ZYG11B: variants seen among roughly 807,000 people sequenced by gnomAD.
ZYG11B encodes the protein protein zyg-11 homolog B.
A neutral mutation model predicts 82.4 loss-of-function variants in ZYG11B; 36 were observed. The ratio of observed to expected loss-of-function variants is 0.44; its 90% CI spans 0.33 to 0.58. The LOEUF (loss-of-function observed/expected upper bound fraction) is 0.58, where lower values mean the gene tolerates loss of function less well. Among genes scored for constraint, ZYG11B ranks in the 20% least tolerant of loss-of-function variants. ZYG11B has a pLI of 0.02. For missense variants in ZYG11B, 552 were observed against 895.6 expected (o/e 0.62, Z 4.90); for synonymous variants, 303 against 312.8 (o/e 0.97, Z 0.33).
chr1:52,801,945 AAC>A lies in ZYG11B; in HGVS notation c.1613_1614del (p.Asn538ThrfsTer16). 1 of 1,611,722 alleles carries A rather than the reference AAC, an allele frequency of 6.2e-7. No homozygotes were observed. The highest frequency in any genetic ancestry group is 8.5e-7 in the Non-Finnish European group (1 of 1,179,378). On this transcript the variant is annotated frameshift_variant, in exon 9 of 14. Coordinates refer to ENST00000294353, the MANE Select transcript of ZYG11B (RefSeq NM_024646.3). LOFTEE classifies it high-confidence loss of function. ...AACCACTTGTAGACACTTTATTGAA[AAC>A]CAAGGGTTAGAACTCTTCATGAGGG... ...SPTTCRHFIE[N>X]QGLELFMRVL...
intron 1 of ZYG11B, among the ~76,000 whole-genome samples, chr1:52,739,044 C>T (rs923596267): frequency 1.5e-5 from 2 of 134,756 alleles, no homozygotes; most frequent in East Asian, 2.6e-4. Context: ...CGCAGTGACA[C>T]GATCTTGGCT....
At chr1:52,790,469 G>A (rs1035987928) in intron 6 of ZYG11B, among the ~76,000 whole-genome samples, 1 of 152,086 alleles carries the variant, frequency 6.6e-6, no homozygotes, top group Non-Finnish European at 1.5e-5. Context: ...AGTGGCTCAT[G>A]CCTATAATCC....
intron 1 of ZYG11B, among the ~76,000 whole-genome samples, chr1:52,733,883 A>T (rs1644356259): frequency 6.6e-6 from 1 of 152,246 alleles, no homozygotes; most frequent in Non-Finnish European, 1.5e-5. Flanking sequence ...ATTGACACAC[A>T]TTCAGTAGAT....
chr1:52,767,270 G>T (rs1379708019), intron 2 of ZYG11B, among the ~76,000 whole-genome samples: 1 of 150,146 alleles, frequency 6.7e-6, no homozygotes, highest in Non-Finnish European at 1.5e-5. Flanking sequence ...ATTTTATTTT[G>T]TTATTTTATT....
intron 10 of ZYG11B, among the ~76,000 whole-genome samples, chr1:52,804,613 A>G (rs1434088771): frequency 2.5e-5 from 3 of 119,590 alleles, no homozygotes; most frequent in Middle Eastern, 3.8e-3. Flanking sequence ...ACGGTCTCAG[A>G]AAAAAAAACA....
intron 1 of ZYG11B, among the ~76,000 whole-genome samples, chr1:52,727,583 A>C (rs1644296615): frequency 6.6e-6 from 1 of 152,184 alleles, no homozygotes; most frequent in Non-Finnish European, 1.5e-5. Flanking sequence ...GGCTATTATT[A>C]CTAAAAACAA....
At chr1:52,815,575 G>A (rs1254292461) in intron 12 of ZYG11B, among the ~76,000 whole-genome samples, 1 of 151,914 alleles carries the variant, frequency 6.6e-6, no homozygotes, top group African/African-American at 2.4e-5. Context: ...AGTTGAGATC[G>A]CCTTACTGCA....
chr1:52,763,988 C>T (rs1446891624), intron 2 of ZYG11B, among the ~76,000 whole-genome samples: 1 of 152,202 alleles, frequency 6.6e-6, no homozygotes, highest in East Asian at 1.9e-4. Context: ...TTGCTGGTCA[C>T]TTCAGCTGTC....
At chr1:52,793,376 G>A (rs1644975566) in intron 6 of ZYG11B, among the ~76,000 whole-genome samples, 1 of 151,996 alleles carries the variant, frequency 6.6e-6, no homozygotes, top group Non-Finnish European at 1.5e-5. Context: ...CAGGTGTGGT[G>A]GCGGCTCCTA....
chr1:52,817,777 G>GTGTGTGTATATA (rs1352242565), intron 13 of ZYG11B, among the ~76,000 whole-genome samples: 6 of 41,542 alleles, frequency 1.4e-4, no homozygotes, highest in Non-Finnish European at 2.3e-4. Flanking sequence ...ATATATATGT[G>GTGTGTGTATATA]TATATATATA....
At chr1:52,760,079 C>T (rs913466206) in intron 2 of ZYG11B, among the ~76,000 whole-genome samples, 1 of 152,120 alleles carries the variant, frequency 6.6e-6, no homozygotes, top group Non-Finnish European at 1.5e-5. Flanking sequence ...AGTGATCTAC[C>T]GCCTAGGCCT....
chr1:52,744,430 A>G (rs561125660), intron 1 of ZYG11B, among the ~76,000 whole-genome samples: 1 of 152,348 alleles, frequency 6.6e-6, no homozygotes, highest in Non-Finnish European at 1.5e-5. Context: ...ACATGACTGT[A>G]CTAATATTAT....
In ZYG11B at chr1:52,825,250, C is replaced by G; in HGVS notation, c.*3621C>G. On this transcript the variant is annotated 3_prime_UTR_variant, in exon 14 of 14. Coordinates refer to ENST00000294353, the MANE Select transcript of ZYG11B (RefSeq NM_024646.3). ...TTTTCTTTTTGCAGTTGAAAATTAA[C>G]TGCATTATTAACTAATTAATAAAAT... 1 of 151,996 alleles carries G rather than the reference C, an allele frequency of 6.6e-6. No individual in the cohort carries two copies. The highest frequency in any genetic ancestry group is 6.6e-5 in the Admixed American group (1 of 15,250). 9.4% of individuals were successfully genotyped at this position (151,996 alleles called of 1,614,324 possible).
At chr1:52,783,838 A>ATGTACATACACGTGTGTG (rs1644880181) in intron 4 of ZYG11B, among the ~76,000 whole-genome samples, 1 of 101,762 alleles carries the variant, frequency 9.8e-6, no homozygotes, top group African/African-American at 3.7e-5. Flanking sequence ...ATACGTGTGT[A>ATGTACATACACGTGTGTG]TATGTACATA....
At position 52,826,960 on chromosome 1, in the gene ZYG11B, G is replaced by GT. The variant is rs1360856475; in HGVS notation, c.*5336dup. The GT allele has an allele frequency of 1.3e-5, 2 of 152,052 alleles. No individual in the cohort carries two copies. Among genetic ancestry groups the GT allele is most frequent in the African/African-American group, 4.8e-5 (2 of 41,394 alleles). 9.4% of individuals were successfully genotyped at this position (152,052 alleles called of 1,614,324 possible). On this transcript the variant is annotated 3_prime_UTR_variant, in exon 14 of 14. Coordinates refer to ENST00000294353, the MANE Select transcript of ZYG11B (RefSeq NM_024646.3). ...TTAAAAGCAGGATCTTAAGAGCATTGTTTTTCCTTAAAAACTTTATACTCT... is the reference window on the plus strand; with the variant it reads ...TTAAAAGCAGGATCTTAAGAGCATTGTTTTTTCCTTAAAAACTTTATACTCT...
intron 1 of ZYG11B, among the ~76,000 whole-genome samples, chr1:52,743,509 C>G (rs190419772): frequency 2.6e-4 from 39 of 150,146 alleles, no homozygotes; most frequent in Admixed American, 2.5e-3. Flanking sequence ...CTCAGGAGTT[C>G]GAGACCAGCC....
chr1:52,815,068 G>C (rs1253664790), intron 12 of ZYG11B, among the ~76,000 whole-genome samples: 1 of 152,168 alleles, frequency 6.6e-6, no homozygotes, highest in Non-Finnish European at 1.5e-5. Context: ...TGAGGCATGA[G>C]AATCGCTTGA....
chr1:52,750,498 C>T (rs148440265), intron 1 of ZYG11B, among the ~76,000 whole-genome samples: 22 of 152,234 alleles, frequency 1.4e-4, no homozygotes, highest in African/African-American at 5.3e-4. Flanking sequence ...ATCTTGAACT[C>T]CTGACCTCAG....
chr1:52,767,312 T>TGTTATATTACGTTAC (rs1553259535), intron 2 of ZYG11B, among the ~76,000 whole-genome samples: 1 of 151,884 alleles, frequency 6.6e-6, no homozygotes, highest in Non-Finnish European at 1.5e-5. Flanking sequence ...TTTTATGTTA[T>TGTTATATTACGTTAC]GTTATATTTG....
Sources: allele counts gnomAD v4.1 joint callset (sites outside exome capture counted in the v4.1 genomes callset), GRCh38; gene constraint gnomAD v4.1.1; transcripts MANE v1.5; gene names NCBI Gene and HGNC (gene_info 2026-07-23, HGNC 2026-07-21).